Variants in PGM5 observed in about 807,000 individuals in gnomAD.
PGM5 encodes the protein phosphoglucomutase 5.
PGM5 carries 23 observed loss-of-function variants against 59.2 expected under a neutral mutation model. The observed-to-expected ratio is 0.39, with a 90% CI of 0.28 to 0.55. The LOEUF (loss-of-function observed/expected upper bound fraction) is 0.55. Among genes scored for constraint, PGM5 ranks in the 20% least tolerant of loss-of-function variants. The pLI is 0.66. For missense variants in PGM5, 574 were observed against 748.3 expected (o/e 0.77, Z 2.72); for synonymous variants, 214 against 286.0 (o/e 0.75, Z 2.54).
chr9:68,423,798 AG>A (rs1823188944), intron 6 of PGM5, among the ~76,000 whole-genome samples: 1 of 152,118 alleles, frequency 6.6e-6, no homozygotes. Context: ...GCATGGGAAA[AG>A]TGTGGTCACG....
At chr9:68,407,094 C>CAT (rs1468001162) in intron 6 of PGM5, among the ~76,000 whole-genome samples, 1 of 151,874 alleles carries the variant, frequency 6.6e-6, no homozygotes, top group African/African-American at 2.4e-5. Flanking sequence ...AATATGTATT[C>CAT]ATATATTGAG....
intron 6 of PGM5, among the ~76,000 whole-genome samples, chr9:68,399,937 T>A (rs1322724664): frequency 6.6e-6 from 1 of 152,168 alleles, no homozygotes; most frequent in African/African-American, 2.4e-5. Flanking sequence ...AACCTTGGAA[T>A]AATCCCTCAT....
chr9:68,424,615 T>C (rs1823203408), intron 6 of PGM5, among the ~76,000 whole-genome samples: 1 of 152,202 alleles, frequency 6.6e-6, no homozygotes, highest in African/African-American at 2.4e-5. Context: ...TGGGTGTTCT[T>C]AAACAAGGCA....
intron 6 of PGM5, among the ~76,000 whole-genome samples, chr9:68,429,958 T>A (rs1823314147): frequency 6.6e-6 from 1 of 152,242 alleles, no homozygotes; most frequent in Non-Finnish European, 1.5e-5. Flanking sequence ...ACTCAGTTTT[T>A]GTGTTGCTGG....
chr9:68,468,658 T>C (rs1321047794), intron 7 of PGM5, among the ~76,000 whole-genome samples: 2 of 152,160 alleles, frequency 1.3e-5, no homozygotes, highest in Non-Finnish European at 2.9e-5. Context: ...CTATCCTCAT[T>C]TTCCCCCTCC....
intron 1 of PGM5, among the ~76,000 whole-genome samples, chr9:68,366,915 T>G (rs1287065416): frequency 6.6e-6 from 1 of 152,224 alleles, no homozygotes; most frequent in Non-Finnish European, 1.5e-5. Flanking sequence ...AGATCATGTG[T>G]GTTTTTGTCC....
chr9:68,376,819 T>TTATTTC (rs1821913816), intron 1 of PGM5, among the ~76,000 whole-genome samples: 1 of 90,704 alleles, frequency 1.1e-5, no homozygotes, highest in Admixed American at 1.2e-4. Context: ...CTTTCTTTCT[T>TTATTTC]TCTTTCTTTC....
chr9:68,384,442 A>G lies in PGM5; in HGVS notation c.469A>G (p.Lys157Glu), dbSNP rs1554678656. ...CTCAGACAAAATCTACCAAATCAGC[A>G]AAACGATTGAGGAATATGCTATATG... The part of the protein sequence containing the change: ...VVSDKIYQIS[K>E]TIEEYAICPD... The change falls in exon 3 of 11, where the codon AAA becomes GAA. Residue 157 changes from lysine to glutamate, a missense_variant. Lys to Glu is a moderately conservative substitution (Grantham distance 56). Around this residue, in one of 7 missense-constraint regions of PGM5, gnomAD observed 103 missense variants for 112.4 expected, o/e 0.92. Coordinates refer to ENST00000396396, the MANE Select transcript of PGM5 (RefSeq NM_021965.4). 1 of 1,606,738 alleles carries G rather than the reference A, an allele frequency of 6.2e-7. No individual in the cohort carries two copies.
At chr9:68,376,518 TGTGTG>T (rs1488673057) in intron 1 of PGM5, among the ~76,000 whole-genome samples, 4 of 150,324 alleles carry the variant, frequency 2.7e-5, no homozygotes, top group Admixed American at 6.6e-5. Flanking sequence ...TGTGTGTGTG[TGTGTG>T]TTTTGATCTC....
intron 9 of PGM5, 25 bp downstream of exon 9, chr9:68,484,073 C>A: frequency 1.9e-6 from 3 of 1,605,340 alleles, no homozygotes; most frequent in Non-Finnish European, 8.5e-7. Context: ...ATCACTACAA[C>A]GGGTTATCAG....
chr9:68,471,674 C>T (rs2132083781), intron 7 of PGM5, among the ~76,000 whole-genome samples: 1 of 150,628 alleles, frequency 6.6e-6, no homozygotes, highest in East Asian at 2.0e-4. Context: ...AATCCCAGCA[C>T]TTTGGGAAGC....
chr9:68,445,532 C>T (rs1823597916), intron 6 of PGM5, among the ~76,000 whole-genome samples: 1 of 152,188 alleles, frequency 6.6e-6, no homozygotes. Context: ...TAGCCAGGGG[C>T]TCCACCGCCT....
At chr9:68,387,733 A>G (rs1822263608) in intron 4 of PGM5, 145 bp downstream of exon 4, 2 of 796,044 alleles carry the variant, frequency 2.5e-6, no homozygotes, top group Admixed American at 2.9e-5. Context: ...GCTCTGGAAA[A>G]CTTCAGGACC....
intron 9 of PGM5, among the ~76,000 whole-genome samples, chr9:68,487,613 C>T (rs1295880217): frequency 6.6e-6 from 1 of 152,012 alleles, no homozygotes; most frequent in African/African-American, 2.4e-5. Flanking sequence ...ATTTGAGGCT[C>T]AGATTGATGA....
At chr9:68,463,835 CG>C (rs1332162896) in intron 6 of PGM5, among the ~76,000 whole-genome samples, 1 of 152,160 alleles carries the variant, frequency 6.6e-6, no homozygotes, top group Admixed American at 6.6e-5. Context: ...TGACATATGA[CG>C]GTTCAACTTA....
At chr9:68,365,905 A>C (rs538994447) in intron 1 of PGM5, among the ~76,000 whole-genome samples, 1 of 152,340 alleles carries the variant, frequency 6.6e-6, no homozygotes, top group East Asian at 1.9e-4. Flanking sequence ...TGACATGTAA[A>C]AAGGTTTTCC....
intron 6 of PGM5, among the ~76,000 whole-genome samples, chr9:68,412,264 T>C (rs1822948182): frequency 6.6e-6 from 1 of 152,254 alleles, no homozygotes; most frequent in Admixed American, 6.5e-5. Context: ...TTTTTCTTCC[T>C]TTATTTAAAT....
chr9:68,399,931 T>C (rs1289924187), intron 6 of PGM5, among the ~76,000 whole-genome samples: 1 of 152,166 alleles, frequency 6.6e-6, no homozygotes, highest in Non-Finnish European at 1.5e-5. Flanking sequence ...ATAATAAACC[T>C]TGGAATAATC....
At chr9:68,399,698 A>G (rs1822616721) in intron 6 of PGM5, among the ~76,000 whole-genome samples, 1 of 151,566 alleles carries the variant, frequency 6.6e-6, no homozygotes, top group African/African-American at 2.4e-5. Flanking sequence ...AGTTCCTTGG[A>G]TGATCTAGAT....
Sources: allele counts gnomAD v4.1 joint callset (sites outside exome capture counted in the v4.1 genomes callset), GRCh38; gene constraint gnomAD v4.1.1; regional missense constraint gnomAD v4.1.1; transcripts MANE v1.5; gene names NCBI Gene and HGNC (gene_info 2026-07-23, HGNC 2026-07-21).